The following RSPO2 variants were observed in gnomAD, a reference collection of about 807,000 sequenced individuals.
The protein encoded by RSPO2 is R-spondin-2.
Under a neutral mutation model 30.9 loss-of-function variants are expected in RSPO2, and 14 were observed. The ratio of observed to expected loss-of-function variants is 0.45; its 90% CI spans 0.30 to 0.71. The LOEUF (loss-of-function observed/expected upper bound fraction) is 0.71, where lower values mean the gene tolerates loss of function less well. RSPO2 is among the 30% of genes least tolerant of loss of function. The pLI is 0.08. For missense variants in RSPO2, 264 were observed against 301.9 expected, an observed-to-expected ratio of 0.87 and a Z score of 0.93; for synonymous variants, 107 against 96.4, an observed-to-expected ratio of 1.11 and a Z score of -0.64.
intron 5 of RSPO2, among the ~76,000 whole-genome samples, chr8:107,941,300 C>G (rs954261382): frequency 1.3e-5 from 2 of 152,050 alleles, no homozygotes; most frequent in Non-Finnish European, 2.9e-5. Flanking sequence ...CTATGGTGGC[C>G]TTCCTCTAAA....
At chr8:107,905,287 G>A (rs1383259504) in intron 5 of RSPO2, among the ~76,000 whole-genome samples, 1 of 152,040 alleles carries the variant, frequency 6.6e-6, no homozygotes, top group Non-Finnish European at 1.5e-5. Flanking sequence ...TGTGTTTTAA[G>A]AAAGGCTTTT....
chr8:107,909,746 T>C (rs190607280), intron 5 of RSPO2, among the ~76,000 whole-genome samples: 2 of 152,320 alleles, frequency 1.3e-5, no homozygotes, highest in Non-Finnish European at 2.9e-5. Flanking sequence ...CTCTGTAACT[T>C]AGATTTTCTG....
At chr8:107,969,033 A>G (rs1309262789) in intron 3 of RSPO2, among the ~76,000 whole-genome samples, 1 of 152,096 alleles carries the variant, frequency 6.6e-6, no homozygotes, top group African/African-American at 2.4e-5. Context: ...TTTGAACATT[A>G]GGAACCAGGA....
chr8:107,950,247 C>G (rs1174401675), intron 5 of RSPO2, among the ~76,000 whole-genome samples: 1 of 152,092 alleles, frequency 6.6e-6, no homozygotes, highest in Non-Finnish European at 1.5e-5. Flanking sequence ...CAGATACATA[C>G]ATATGTGATT....
intron 3 of RSPO2, among the ~76,000 whole-genome samples, chr8:107,985,555 A>G (rs1814595105): frequency 6.6e-6 from 1 of 152,204 alleles, no homozygotes; most frequent in Non-Finnish European, 1.5e-5. Flanking sequence ...TACTCATAGA[A>G]ACAAAAATGT....
intron 5 of RSPO2, among the ~76,000 whole-genome samples, chr8:107,945,638 A>G (rs934130747): frequency 1.3e-5 from 2 of 152,176 alleles, no homozygotes; most frequent in Non-Finnish European, 2.9e-5. Flanking sequence ...ATATTTTAGT[A>G]AATGTTAGGC....
At chr8:108,069,854 GA>G (rs1236846667) in intron 2 of RSPO2, among the ~76,000 whole-genome samples, 1 of 152,164 alleles carries the variant, frequency 6.6e-6, no homozygotes, top group African/African-American at 2.4e-5. Context: ...TACCTTGTCT[GA>G]ACGGGTTTTT....
At chr8:107,993,878 C>G (rs1814929650) in intron 2 of RSPO2, among the ~76,000 whole-genome samples, 1 of 152,154 alleles carries the variant, frequency 6.6e-6, no homozygotes. Flanking sequence ...TCTTGTATCT[C>G]TGTGTCTTTT....
chr8:107,927,369 CT>C (rs1174562254), intron 5 of RSPO2, among the ~76,000 whole-genome samples: 3 of 152,058 alleles, frequency 2.0e-5, no homozygotes, highest in African/African-American at 7.2e-5. Flanking sequence ...TCCTCTTTTC[CT>C]AATTGAATAC....
chr8:108,076,558 A>C (rs1813020006), intron 2 of RSPO2, among the ~76,000 whole-genome samples: 1 of 152,202 alleles, frequency 6.6e-6, no homozygotes, highest in South Asian at 2.1e-4. Flanking sequence ...ATACGAGGCA[A>C]CAGAAAAGTC....
chr8:108,029,040 CTG>C (rs1811320254), intron 2 of RSPO2, among the ~76,000 whole-genome samples: 1 of 103,740 alleles, frequency 9.6e-6, no homozygotes, highest in South Asian at 3.7e-4. Context: ...ACTTGGGTAA[CTG>C]TTAACATGAG....
intron 3 of RSPO2, among the ~76,000 whole-genome samples, chr8:107,980,088 C>G (rs1383073691): frequency 6.6e-6 from 1 of 152,174 alleles, no homozygotes; most frequent in Non-Finnish European, 1.5e-5. Flanking sequence ...ACTCCTCTTT[C>G]AAGATAGTTT....
At chr8:107,949,214 C>A (rs1813165046) in intron 5 of RSPO2, among the ~76,000 whole-genome samples, 1 of 152,044 alleles carries the variant, frequency 6.6e-6, no homozygotes, top group Non-Finnish European at 1.5e-5. Context: ...GCCTTTGTGT[C>A]CCCAGAGCTT....
intron 2 of RSPO2, among the ~76,000 whole-genome samples, chr8:108,063,036 A>G (rs1268420508): frequency 1.3e-5 from 2 of 150,944 alleles, no homozygotes; most frequent in African/African-American, 5.0e-5. Flanking sequence ...GTATCTCAAA[A>G]TAATAAGAGC....
Position 107,917,862 on chromosome 8 carries a change from T to C in RSPO2, c.617-16672A>G, listed in dbSNP as rs536425927. On this transcript the variant is annotated intron_variant, in intron 5 of 5. Coordinates refer to ENST00000276659, the MANE Select transcript of RSPO2 (RefSeq NM_178565.5). The stretch of plus-strand genomic sequence containing the variant: ...AGAAGTAACCAAAATTCCTAGTCAA[T>C]TGTGGCTTTAATAATGGCTGTTTTG... Among the ~76,000 whole-genome samples, 48 of 152,300 alleles carry C rather than the reference T, an allele frequency of 3.2e-4. No homozygotes were observed. In the South Asian group the frequency reaches 8.9e-3, roughly 28 times the overall value.
chr8:107,953,304 G>T (rs1199363174), intron 5 of RSPO2, among the ~76,000 whole-genome samples: 1 of 152,138 alleles, frequency 6.6e-6, no homozygotes, highest in Non-Finnish European at 1.5e-5. Flanking sequence ...AAAGATTAGG[G>T]ATGGCAACTA....
chr8:107,986,121 CTG>C (rs1162946734), intron 3 of RSPO2, among the ~76,000 whole-genome samples: 1 of 152,142 alleles, frequency 6.6e-6, no homozygotes, highest in Non-Finnish European at 1.5e-5. Flanking sequence ...AATTCTAAGT[CTG>C]TGACAGCTTT....
intron 3 of RSPO2, among the ~76,000 whole-genome samples, chr8:107,973,523 GAC>G (rs1316617460): frequency 3.3e-5 from 2 of 60,678 alleles, no homozygotes; most frequent in African/African-American, 6.6e-5. Context: ...GACACACACA[GAC>G]ACACACTCAC....
intron 5 of RSPO2, among the ~76,000 whole-genome samples, chr8:107,949,853 C>A (rs1813185393): frequency 6.6e-6 from 1 of 152,164 alleles, no homozygotes; most frequent in Non-Finnish European, 1.5e-5. Context: ...CACTTGTACC[C>A]TTTAAATTTA....
Sources: allele counts gnomAD v4.1 joint callset (sites outside exome capture counted in the v4.1 genomes callset), GRCh38; gene constraint gnomAD v4.1.1; transcripts MANE v1.5; gene names NCBI Gene and HGNC (gene_info 2026-07-23, HGNC 2026-07-21).